The following ANO2 variants were observed in gnomAD, a reference collection of about 807,000 sequenced individuals.
The protein encoded by ANO2 is anoctamin 2, also known as anoctamin-2.
ANO2 carries 101 observed loss-of-function variants against 124.2 expected under a neutral mutation model. The ratio of observed to expected loss-of-function variants is 0.81; its 90% confidence interval spans 0.69 to 0.96. ANO2 has a LOEUF of 0.96. ANO2 is among the 40% of genes least tolerant of loss of function. The pLI is 0.00. For synonymous variants in ANO2, 486 were observed against 482.5 expected (o/e 1.01, Z -0.09); for missense variants, 1,293 against 1,274.5 (o/e 1.01, Z -0.22).
At chr12:5,865,422 CCAT>C (rs1041712036) in intron 3 of ANO2, among the ~76,000 whole-genome samples, 1 of 151,522 alleles carries the variant, frequency 6.6e-6, no homozygotes, top group Non-Finnish European at 1.5e-5. Context: ...TGAATTCATA[CCAT>C]CAAGAATTCA....
intron 3 of ANO2, among the ~76,000 whole-genome samples, chr12:5,915,897 C>T (rs2030918452): frequency 2.0e-5 from 3 of 152,166 alleles, no homozygotes; most frequent in Admixed American, 2.0e-4. Flanking sequence ...TTCAGTGGCA[C>T]ACAACTGGAA....
intron 4 of ANO2, among the ~76,000 whole-genome samples, chr12:5,845,074 C>A (rs1257269383): frequency 1.3e-5 from 2 of 151,524 alleles, no homozygotes; most frequent in African/African-American, 4.9e-5. Flanking sequence ...GAGTTCGAGA[C>A]CAGCCTGGGC....
At chr12:5,903,248 G>T (rs919612209) in intron 3 of ANO2, among the ~76,000 whole-genome samples, 2 of 152,040 alleles carry the variant, frequency 1.3e-5, no homozygotes, top group African/African-American at 4.8e-5. Context: ...GCCAGAAAAA[G>T]ACAAAAGAGT....
At chr12:5,849,189 G>A (rs1388058556) in intron 4 of ANO2, among the ~76,000 whole-genome samples, 5 of 152,152 alleles carry the variant, frequency 3.3e-5, no homozygotes, top group Admixed American at 3.3e-4. Flanking sequence ...TCTGACGATT[G>A]GACAAAAGGG....
intron 1 of ANO2, among the ~76,000 whole-genome samples, chr12:5,923,173 C>CACACACACATACACACACAT: frequency 6.1e-5 from 2 of 33,044 alleles, no homozygotes; most frequent in African/African-American, 1.2e-4. Context: ...TACACACACA[C>CACACACACATACACACACAT]GCACACACAC....
intron 10 of ANO2, among the ~76,000 whole-genome samples, chr12:5,796,335 C>T (rs1210829108): frequency 6.6e-6 from 1 of 151,422 alleles, no homozygotes; most frequent in African/African-American, 2.4e-5. Flanking sequence ...CTCACACACT[C>T]ATGCACGCTC....
intron 14 of ANO2, among the ~76,000 whole-genome samples, chr12:5,698,491 G>C (rs1190592717): frequency 2.6e-5 from 4 of 152,166 alleles, no homozygotes; most frequent in African/African-American, 9.7e-5. Flanking sequence ...CCACAAAGAT[G>C]AGGAGAAACC....
intron 14 of ANO2, among the ~76,000 whole-genome samples, chr12:5,657,763 A>G (rs1358565982): frequency 1.6e-5 from 2 of 123,480 alleles, no homozygotes; most frequent in Non-Finnish European, 3.5e-5. Flanking sequence ...CCCCAGTGCA[A>G]TTTCAGGTGG....
chr12:5,701,257 T>C (rs1033577098), intron 14 of ANO2, among the ~76,000 whole-genome samples: 1 of 152,172 alleles, frequency 6.6e-6, no homozygotes, highest in African/African-American at 2.4e-5. Flanking sequence ...CATGAATTAT[T>C]GACTCTTCTT....
rs546415760 is a variant in ANO2 at position 5,761,801 on chromosome 12, C to T, written c.1056-10831G>A. 2.6e-5 allele frequency among the ~76,000 whole-genome samples: 4 copies of T among 152,240 alleles called. No homozygotes were observed. The East Asian group carries it at 7.7e-4, about 29-fold the overall frequency. On this transcript the variant is annotated intron_variant, in intron 10 of 24. Coordinates refer to ENST00000682330, the MANE Select transcript of ANO2 (RefSeq NM_001364791.2). ...GTGTGCTCTTTGGTAAATAAGATTA[C>T]TTTAACATTGTTAGATTAATGAAAA...
intron 14 of ANO2, among the ~76,000 whole-genome samples, chr12:5,684,569 C>T (rs1948629271): frequency 6.6e-6 from 1 of 152,156 alleles, no homozygotes; most frequent in Non-Finnish European, 1.5e-5. Context: ...TTCTCAGCAA[C>T]TCTACTTGTC....
At position 5,900,709 on chromosome 12, in the gene ANO2, C is replaced by A. The variant is rs1330881654; in HGVS notation, c.534+20331G>T. On this transcript the variant is annotated intron_variant, in intron 3 of 24. Coordinates refer to ENST00000682330, the MANE Select transcript of ANO2 (RefSeq NM_001364791.2). The surrounding 1 kb of genome is among the most constrained non-coding windows in gnomAD (Gnocchi z 4.2). Reference sequence around the variant, plus strand: ...ACAATCCCCTTCCCCATGGGTGGGGCCGGGACAGGAAATGGCCAAGCACAC... The same window carrying A: ...ACAATCCCCTTCCCCATGGGTGGGGACGGGACAGGAAATGGCCAAGCACAC... Among the ~76,000 whole-genome samples the A allele has an allele frequency of 6.6e-6, 1 of 152,346 alleles. No homozygotes were observed. Among genetic ancestry groups the A allele is most frequent in the South Asian group, 2.1e-4 (1 of 4,828 alleles).
intron 16 of ANO2, among the ~76,000 whole-genome samples, chr12:5,616,429 C>A (rs962380371): frequency 1.3e-5 from 2 of 152,218 alleles, no homozygotes; most frequent in Non-Finnish European, 2.9e-5. Context: ...ATACACCACA[C>A]CTCCTAATAC....
chr12:5,798,772 G>T (rs1488856252), intron 10 of ANO2, among the ~76,000 whole-genome samples: 3 of 152,214 alleles, frequency 2.0e-5, no homozygotes, highest in Non-Finnish European at 4.4e-5. Flanking sequence ...TAGTGGCCAG[G>T]CCCAGACCAG....
rs1197673007 is a variant in ANO2, at chr12:5,739,935, C to T, written c.1352-536G>A. On this transcript the variant is annotated intron_variant, in intron 12 of 24. Transcript: ENST00000682330. The stretch of plus-strand genomic sequence containing the variant: ...GACTCCAGACTTTCAGCCTTCCAAC[C>T]CATCCTGCATGTAGCTGATAGAATA... The T allele has an allele frequency of 1.3e-5, 6 of 456,060 alleles. 1 individual carries two copies. In the Middle Eastern group the frequency reaches 9.7e-4, roughly 74 times the overall value. The allele number at this position is 456,060 out of a possible 1,614,324, so 28.3% of individuals were successfully genotyped here.
In ANO2 at chr12:5,756,070, C is replaced by T. The variant is rs368985024; in HGVS notation, c.1056-5100G>A. ...AACCTTTCTGTTTTTTCTGTTCTTC[C>T]GACTGGATAATTTCAAATGACTTGT... On this transcript the variant is annotated intron_variant, in intron 10 of 24. Coordinates refer to ENST00000682330, the MANE Select transcript of ANO2 (RefSeq NM_001364791.2). 1.5e-3 allele frequency among the ~76,000 whole-genome samples: 222 copies of T among 151,810 alleles called. 2 individuals carry two copies. Among genetic ancestry groups the T allele is most frequent in the African/African-American group, 4.9e-3 (201 of 41,402 alleles).
intron 14 of ANO2, among the ~76,000 whole-genome samples, chr12:5,713,763 T>C (rs1470778661): frequency 6.6e-6 from 1 of 152,204 alleles, no homozygotes; most frequent in Non-Finnish European, 1.5e-5. Flanking sequence ...ACCTTTCTGC[T>C]GAATCCAAAA....
Position 5,659,738 on chromosome 12 carries a change from G to A in ANO2, c.1546-11937C>T, listed in dbSNP as rs1023601254. On this transcript the variant is annotated intron_variant, in intron 14 of 24. Coordinates refer to ENST00000682330, the MANE Select transcript of ANO2 (RefSeq NM_001364791.2). ...GCTCTGCTCTTTCTGGCTCCCCAGA[G>A]AGCTTGCAGCTCCACTTTCTTTTTC... Among the ~76,000 whole-genome samples, 7 of 152,166 alleles carry A rather than the reference G, an allele frequency of 4.6e-5. No individual in the cohort carries two copies. In the East Asian group the frequency reaches 1.3e-3, roughly 29 times the overall value.
At chr12:5,626,004 CT>C (rs1314095513) in intron 16 of ANO2, among the ~76,000 whole-genome samples, 3 of 152,262 alleles carry the variant, frequency 2.0e-5, no homozygotes, top group African/African-American at 4.8e-5. Flanking sequence ...AAGATTTGCT[CT>C]TATTTTGATG....
Sources: gnomAD v4.1 joint callset for allele counts (sites outside exome capture counted in the v4.1 genomes callset) on GRCh38, gnomAD v4.1.1 for gene constraint, Gnocchi (gnomAD v3.1) non-coding constraint, MANE v1.5 for transcripts, NCBI Gene and HGNC (gene_info 2026-07-23, HGNC 2026-07-21) for gene names.